The following ZEB1 variants were observed in gnomAD, a reference collection of about 807,000 sequenced individuals.
The protein encoded by ZEB1 is zinc finger E-box-binding homeobox 1.
ZEB1 carries 21 observed loss-of-function variants against 84.9 expected under a neutral mutation model. The observed-to-expected ratio is 0.25, with a 90% CI of 0.18 to 0.36. The LOEUF (loss-of-function observed/expected upper bound fraction) is 0.36, where lower values mean the gene tolerates loss of function less well. Ranked by LOEUF, ZEB1 falls within the 10% of genes least tolerant of loss-of-function variation. The probability of loss-of-function intolerance (pLI) is 1.00; values close to 1 mark genes in which losing one functional copy is unlikely to be tolerated. For synonymous variants in ZEB1, 420 were observed against 471.1 expected (o/e 0.89, Z 1.41); for missense variants, 1,104 against 1,330.2 (o/e 0.83, Z 2.65).
intron 1 of ZEB1, among the ~76,000 whole-genome samples, chr10:31,405,254 T>C (rs1481031426): frequency 6.6e-6 from 1 of 152,098 alleles, no homozygotes; most frequent in Admixed American, 6.6e-5. Flanking sequence ...TACCCAAGTA[T>C]TGGAGAGGGG....
Position 31,524,068 on chromosome 10 carries a change from T to C in ZEB1, c.2740T>C (p.Phe914Leu). Residue 914 changes from phenylalanine to leucine, a missense_variant, in exon 8 of 9, where the codon TTC (phenylalanine) becomes CTC (leucine). Around this residue, in one of 7 missense-constraint regions of ZEB1, gnomAD observed 53 missense variants for 92.5 expected, o/e 0.57. Coordinates refer to ENST00000424869, the MANE Select transcript of ZEB1 (RefSeq NM_001174096.2). ...TGCTTGTGATTTGTGTGACAAGATA[T>C]TCCAAAAGAGTAGTTCATTATTGAG... ...MYACDLCDKI[F>L]QKSSSLLRHK... is the part of the protein sequence containing the mutation. The C allele has an allele frequency of 1.2e-6, 2 of 1,613,942 alleles. No homozygotes were observed. Among genetic ancestry groups the C allele is most frequent in the Non-Finnish European group, 1.7e-6 (2 of 1,179,926 alleles).
intron 1 of ZEB1, among the ~76,000 whole-genome samples, chr10:31,452,574 C>A (rs2060690134): frequency 6.6e-6 from 1 of 152,028 alleles, no homozygotes; most frequent in African/African-American, 2.4e-5. Context: ...TTGTTGCTAA[C>A]ACTTAAGTAT....
At chr10:31,495,680 G>T (rs2067124791) in intron 2 of ZEB1, 96 bp from the exon 3 acceptor site, 1 of 1,253,132 alleles carries the variant, frequency 8.0e-7, no homozygotes, top group Non-Finnish European at 1.2e-6. Flanking sequence ...GTAATGATCA[G>T]ATCAGAGTAA....
In ZEB1 at chr10:31,453,264, A is replaced by G. The variant is rs374391464; in HGVS notation, c.59-7773A>G. ...CTTCGCCTGTGGCTTTAATCAATACATGCCACAGTTATCGTCGGACAAGAA... is the reference window on the plus strand; with the variant it reads ...CTTCGCCTGTGGCTTTAATCAATACGTGCCACAGTTATCGTCGGACAAGAA... On this transcript the variant is annotated intron_variant, in intron 1 of 8. Coordinates refer to ENST00000424869, the MANE Select transcript of ZEB1 (RefSeq NM_001174096.2). Among the ~76,000 whole-genome samples the G allele has an allele frequency of 2.6e-4, 39 of 152,152 alleles. 1 individual carries two copies. Among genetic ancestry groups the G allele is most frequent in the African/African-American group, 8.4e-4 (35 of 41,544 alleles).
chr10:31,423,976 T>C (rs2056577809), intron 1 of ZEB1, among the ~76,000 whole-genome samples: 1 of 152,048 alleles, frequency 6.6e-6, no homozygotes, highest in Non-Finnish European at 1.5e-5. Context: ...TTTTAGAAAG[T>C]ATACTTCATA....
chr10:31,469,493 C>A (rs551858571), intron 2 of ZEB1, among the ~76,000 whole-genome samples: 1 of 152,204 alleles, frequency 6.6e-6, no homozygotes, highest in African/African-American at 2.4e-5. Context: ...CCGAATATTG[C>A]GCTTTTCTGA....
intron 1 of ZEB1, among the ~76,000 whole-genome samples, chr10:31,454,681 G>T (rs2060988247): frequency 6.6e-6 from 1 of 151,990 alleles, no homozygotes; most frequent in Admixed American, 6.6e-5. Context: ...AAAGAATAAA[G>T]TACCTAGGAA....
Position 31,527,063 on chromosome 10 carries a change from A to G in ZEB1, c.3177A>G (p.Lys1059=). 1 of 1,586,192 alleles carries G rather than the reference A, an allele frequency of 6.3e-7. No homozygotes were observed. Among genetic ancestry groups the G allele is most frequent in the South Asian group, 1.1e-5 (1 of 87,888 alleles). ...EELQEEKECE[K]PQGDEEEEEE... ...TGCAGGAAGAAAAAGAATGTGAAAA[A>G]CCACAAGGGGATGAGGAAGAGGAGG... Residue 1059 remains lysine (K), a synonymous_variant, in exon 9 of 9, where the codon AAA becomes AAG. Transcript: ENST00000424869.
Position 31,389,367 on chromosome 10 carries a change from T to C in ZEB1, c.58+70075T>C, listed in dbSNP as rs539158505. Among the ~76,000 whole-genome samples the C allele has an allele frequency of 3.3e-5, 5 of 152,252 alleles. No individual in the cohort carries two copies. In the East Asian group the frequency reaches 9.6e-4, roughly 29 times the overall value. The stretch of plus-strand genomic sequence containing the variant: ...ACATATACACATACCTATATTAGTG[T>C]TTATTTCTTTTTTCTAATCATGTAA... On this transcript the variant is annotated intron_variant, in intron 1 of 8. Transcript: ENST00000424869.
chr10:31,322,822 A>C (rs1459163646), intron 1 of ZEB1, among the ~76,000 whole-genome samples: 1 of 151,784 alleles, frequency 6.6e-6, no homozygotes, highest in Non-Finnish European at 1.5e-5. Context: ...TAGATGGAAT[A>C]GAAGGTACAT....
chr10:31,480,059 T>C (rs1442302428), intron 2 of ZEB1, among the ~76,000 whole-genome samples: 1 of 152,008 alleles, frequency 6.6e-6, no homozygotes, highest in Non-Finnish European at 1.5e-5. Context: ...CTTTCAGTTT[T>C]TAAAACATAT....
At chr10:31,468,584 C>T (rs2062740614) in intron 2 of ZEB1, among the ~76,000 whole-genome samples, 1 of 152,138 alleles carries the variant, frequency 6.6e-6, no homozygotes, top group Non-Finnish European at 1.5e-5. Flanking sequence ...AGACAGTGAG[C>T]CTTACCACAT....
intron 3 of ZEB1, among the ~76,000 whole-genome samples, chr10:31,498,569 A>G (rs1015028754): frequency 6.6e-6 from 1 of 152,152 alleles, no homozygotes; most frequent in Non-Finnish European, 1.5e-5. Context: ...CAACCCTAAG[A>G]GGTACTGTTA....
chr10:31,484,359 C>A (rs2065455930), intron 2 of ZEB1, among the ~76,000 whole-genome samples: 1 of 151,938 alleles, frequency 6.6e-6, no homozygotes, highest in African/African-American at 2.4e-5. Context: ...TATTAATAAT[C>A]ATAACTATAC....
chr10:31,467,059 T>C lies in ZEB1; in HGVS notation c.259+5822T>C, dbSNP rs540656883. On this transcript the variant is annotated intron_variant, in intron 2 of 8. Transcript: ENST00000424869. ...AATATATAGGCCATGACAGACATGATTGAAGAAGTAGGAAGCAACACTGCT... is the reference window on the plus strand; with the variant it reads ...AATATATAGGCCATGACAGACATGACTGAAGAAGTAGGAAGCAACACTGCT... 1.2e-4 allele frequency among the ~76,000 whole-genome samples: 19 copies of C among 152,056 alleles called. No individual in the cohort carries two copies. The South Asian group carries it at 2.7e-3, about 22-fold the overall frequency.
At chr10:31,439,145 A>G (rs1374327650) in intron 1 of ZEB1, among the ~76,000 whole-genome samples, 1 of 152,180 alleles carries the variant, frequency 6.6e-6, no homozygotes, top group Non-Finnish European at 1.5e-5. Context: ...ATGTTAAGGC[A>G]CATGTATAGT....
At chr10:31,505,477 T>G (rs1049206519) in intron 4 of ZEB1, among the ~76,000 whole-genome samples, 4 of 152,100 alleles carry the variant, frequency 2.6e-5, no homozygotes, top group Admixed American at 2.6e-4. Flanking sequence ...CTGTTCAGGT[T>G]TTCTATTTCT....
At chr10:31,496,416 A>G (rs2139036995) in intron 3 of ZEB1, among the ~76,000 whole-genome samples, 1 of 152,222 alleles carries the variant, frequency 6.6e-6, no homozygotes, top group South Asian at 2.1e-4. Context: ...TTAGGTGACT[A>G]AAAAGTACAT....
Position 31,521,805 on chromosome 10 carries a change from C to A in ZEB1, c.2473C>A (p.Pro825Thr). Residue 825 changes from proline to threonine, a missense_variant, in exon 7 of 9, where the codon CCA becomes ACA. Physicochemically the swap from Pro to Thr is conservative, Grantham distance 38. Transcript: ENST00000424869. Reference protein sequence around the residue: ...IVAIADQNSVPCLRALAANKQ... With the variant: ...IVAIADQNSVTCLRALAANKQ... The stretch of plus-strand genomic sequence containing the variant: ...GGCCATTGCTGACCAGAACAGTGTT[C>A]CATGCTTAAGAGCGCTAGCTGCCAA... 1 of 1,613,832 alleles carries A rather than the reference C, an allele frequency of 6.2e-7. No individual in the cohort carries two copies. The highest frequency in any genetic ancestry group is 2.2e-5 in the East Asian group (1 of 44,850).
Sources: gnomAD v4.1 joint callset for allele counts (sites outside exome capture counted in the v4.1 genomes callset) on GRCh38, gnomAD v4.1.1 for gene constraint, gnomAD v4.1.1 regional missense constraint, MANE v1.5 for transcripts, NCBI Gene and HGNC (gene_info 2026-07-23, HGNC 2026-07-21) for gene names.